Variants in RICTOR observed in about 807,000 individuals in gnomAD.
RICTOR encodes RPTOR independent companion of MTOR complex 2, also known as rapamycin-insensitive companion of mTOR.
RICTOR carries 49 observed loss-of-function variants against 214.9 expected under a neutral mutation model. The ratio of observed to expected loss-of-function variants is 0.23; its 90% CI spans 0.18 to 0.29. The LOEUF (loss-of-function observed/expected upper bound fraction) is 0.29, where lower values mean the gene tolerates loss of function less well. Among genes scored for constraint, RICTOR ranks in the 10% least tolerant of loss-of-function variants. The probability of loss-of-function intolerance (pLI) is 1.00; values close to 1 mark genes in which losing one functional copy is unlikely to be tolerated. For synonymous variants in RICTOR, 717 were observed against 711.3 expected (o/e 1.01, Z -0.13); for missense variants, 1,625 against 2,047.0 (o/e 0.79, Z 3.98).
chr5:38,991,410 G>A (rs1052310533), intron 6 of RICTOR, among the ~76,000 whole-genome samples: 6 of 151,978 alleles, frequency 3.9e-5, no homozygotes, highest in Admixed American at 3.3e-4. Context: ...GTAAACCAGA[G>A]GGGACAATAG....
intron 2 of RICTOR, among the ~76,000 whole-genome samples, chr5:39,039,473 A>C (rs974242693): frequency 6.4e-4 from 98 of 152,326 alleles, no homozygotes; most frequent in African/African-American, 2.2e-3. Flanking sequence ...AATGGGATCT[A>C]ATTAAACTAA....
intron 10 of RICTOR, among the ~76,000 whole-genome samples, chr5:38,972,589 T>C (rs971134648): frequency 2.1e-4 from 32 of 152,054 alleles, no homozygotes; most frequent in African/African-American, 7.7e-4. Flanking sequence ...ATGGCTAAAA[T>C]TAAAGACTCA....
At chr5:39,060,328 C>T (rs985346335) in intron 2 of RICTOR, among the ~76,000 whole-genome samples, 16 of 152,146 alleles carry the variant, frequency 1.1e-4, no homozygotes, top group Admixed American at 4.6e-4. Context: ...TTCATCACAA[C>T]CTATTTATCC....
intron 2 of RICTOR, among the ~76,000 whole-genome samples, chr5:39,064,513 T>C (rs1758766730): frequency 6.6e-6 from 1 of 152,232 alleles, no homozygotes; most frequent in Non-Finnish European, 1.5e-5. Context: ...TATTCATCTT[T>C]TTAAGGCAGG....
chr5:38,962,051 T>C (rs1403146860), intron 19 of RICTOR, among the ~76,000 whole-genome samples: 1 of 152,090 alleles, frequency 6.6e-6, no homozygotes, highest in East Asian at 1.9e-4. Context: ...CAATTGATAC[T>C]ACCCCAATTT....
intron 2 of RICTOR, among the ~76,000 whole-genome samples, chr5:39,029,900 G>C (rs1464631436): frequency 6.6e-6 from 1 of 152,134 alleles, no homozygotes; most frequent in Non-Finnish European, 1.5e-5. Context: ...GTAATCATGT[G>C]AAATTTATAC....
intron 33 of RICTOR, 84 bp from the exon 34 acceptor site, chr5:38,945,808 G>A: frequency 1.5e-6 from 1 of 673,468 alleles, no homozygotes; most frequent in South Asian, 2.4e-5. Context: ...TTTAAAGAAA[G>A]CTTAAGCACA....
chr5:38,960,295 A>G, intron 20 of RICTOR, 103 bp downstream of exon 20: 1 of 1,081,112 alleles, frequency 9.2e-7, no homozygotes, highest in African/African-American at 1.6e-5. Context: ...CGGCTTATGC[A>G]TATTCAGAAA....
chr5:39,039,069 C>G (rs1220093179), intron 2 of RICTOR, among the ~76,000 whole-genome samples: 2 of 152,186 alleles, frequency 1.3e-5, no homozygotes. Context: ...GCAAACTATA[C>G]TACAAGGCTA....
chr5:39,020,147 G>A (rs1297347640), intron 3 of RICTOR, among the ~76,000 whole-genome samples: 2 of 152,120 alleles, frequency 1.3e-5, no homozygotes, highest in Admixed American at 1.3e-4. Flanking sequence ...GAGCAAAAAC[G>A]GGGTTTCATG....
rs763967174 is a variant in RICTOR at position 38,946,500 on chromosome 5, C to CCT, written c.4366_4367insAG (p.Arg1456GlnfsTer22). On this transcript the variant is annotated frameshift_variant, in exon 33 of 38. Transcript: ENST00000357387. LOFTEE classifies it high-confidence loss of function. ...ATCATGGGCAAATGCTCTTGCACCT[C>CCT]GATCATCATGTGGTGGTATGTTTTT... 2 of 1,611,692 alleles carry CCT rather than the reference C, an allele frequency of 1.2e-6. No homozygotes were observed. Among genetic ancestry groups the CCT allele is most frequent in the East Asian group, 4.5e-5 (2 of 44,774 alleles).
chr5:39,026,911 G>C (rs2150144354), intron 2 of RICTOR, among the ~76,000 whole-genome samples: 1 of 152,056 alleles, frequency 6.6e-6, no homozygotes, highest in East Asian at 1.9e-4. Context: ...AGGAGGCTGA[G>C]GCAGGAGAAT....
intron 6 of RICTOR, among the ~76,000 whole-genome samples, chr5:38,994,990 C>T (rs1753073210): frequency 6.6e-6 from 1 of 152,064 alleles, no homozygotes; most frequent in East Asian, 1.9e-4. Flanking sequence ...CAAGTGTGTA[C>T]TAAAGTTTTC....
chr5:39,056,659 TA>T (rs113104496), intron 2 of RICTOR, among the ~76,000 whole-genome samples: 92 of 142,974 alleles, frequency 6.4e-4, no homozygotes, highest in African/African-American at 7.2e-4. Flanking sequence ...GCAAAACGAT[TA>T]AAAAAAAAAA....
chr5:39,056,728 T>G (rs960557975), intron 2 of RICTOR, among the ~76,000 whole-genome samples: 2 of 151,382 alleles, frequency 1.3e-5, no homozygotes, highest in Non-Finnish European at 2.9e-5. Context: ...AAGGCCTCAG[T>G]GATGATAAGG....
At chr5:38,990,735 T>TATCA (rs1561502706) in intron 7 of RICTOR, among the ~76,000 whole-genome samples, 3 of 60,732 alleles carry the variant, frequency 4.9e-5, no homozygotes, top group African/African-American at 1.2e-4. Context: ...ATCATATATA[T>TATCA]GATATATATG....
chr5:38,997,488 A>G (rs1366302270), intron 5 of RICTOR, among the ~76,000 whole-genome samples: 1 of 152,134 alleles, frequency 6.6e-6, no homozygotes, highest in Non-Finnish European at 1.5e-5. Flanking sequence ...ATTCTAATCA[A>G]TGCTTTATAT....
At position 39,074,347 on chromosome 5, in the gene RICTOR, T is replaced by G; in HGVS notation, c.31A>C (p.Lys11Gln). 1 of 1,538,566 alleles carries G rather than the reference T, an allele frequency of 6.5e-7. No homozygotes were observed. The highest frequency in any genetic ancestry group is 8.8e-7 in the Non-Finnish European group (1 of 1,141,742). Residue 11 changes from lysine (K) to glutamine (Q), a missense_variant, in exon 1 of 38, where the codon AAG (lysine) becomes CAG (glutamine). This residue lies in a region of RICTOR where 71 missense variants were observed against 57.9 expected (regional missense o/e 1.23). Coordinates refer to ENST00000357387, the MANE Select transcript of RICTOR (RefSeq NM_152756.5). Reference protein sequence around the residue: MAAIGRGRSLKNLRVRGRNDS... With the variant: MAAIGRGRSLQNLRVRGRNDS... ...GGCTTACCTCGTACTCGGAGGTTCT[T>G]CAGAGAGCGGCCGCGGCCGATCGCC...
At chr5:38,951,777 C>T (rs1274231446) in intron 30 of RICTOR, among the ~76,000 whole-genome samples, 1 of 151,918 alleles carries the variant, frequency 6.6e-6, no homozygotes, top group African/African-American at 2.4e-5. Context: ...AAATTTAGTG[C>T]TTCTCTCAAA....
Sources: allele counts gnomAD v4.1 joint callset (sites outside exome capture counted in the v4.1 genomes callset), GRCh38; gene constraint gnomAD v4.1.1; regional missense constraint gnomAD v4.1.1; transcripts MANE v1.5; gene names NCBI Gene and HGNC (gene_info 2026-07-23, HGNC 2026-07-21).